The following EIF4ENIF1 variants were observed in gnomAD, a reference collection of about 807,000 sequenced individuals.
The protein encoded by EIF4ENIF1 is eukaryotic translation initiation factor 4E transporter.
In EIF4ENIF1, 23 loss-of-function variants were observed where a neutral mutation model predicts 110.5. That is an observed-to-expected ratio of 0.21 (90% CI 0.15 to 0.29). EIF4ENIF1 has a LOEUF of 0.29. Ranked by LOEUF, EIF4ENIF1 falls within the 10% of genes least tolerant of loss-of-function variation. The pLI is 1.00. For synonymous variants in EIF4ENIF1, 440 were observed against 437.0 expected (o/e 1.01, Z -0.09); for missense variants, 1,031 against 1,221.1 (o/e 0.84, Z 2.32).
At chr22:31,442,856 G>A (rs1380259378) in intron 16 of EIF4ENIF1, 106 bp downstream of exon 16, 1 of 1,427,626 alleles carries the variant, frequency 7.0e-7, no homozygotes, top group Non-Finnish European at 9.5e-7. Context: ...GAAGCTAGTG[G>A]TCTTGCCCAG....
chr22:31,455,074 G>T (rs1228832204), intron 9 of EIF4ENIF1, 62 bp downstream of exon 9: 18 of 1,426,998 alleles, frequency 1.3e-5, no homozygotes, highest in Non-Finnish European at 1.6e-5. Context: ...AGACCCAACT[G>T]CCTGAAGACT....
At chr22:31,471,737 T>C (rs2051387503) in intron 3 of EIF4ENIF1, 107 bp downstream of exon 3, 2 of 1,004,812 alleles carry the variant, frequency 2.0e-6, no homozygotes, top group African/African-American at 3.3e-5. Context: ...CTTTCACTTA[T>C]AATTCTACCA....
upstream of EIF4ENIF1, among the ~76,000 whole-genome samples, chr22:31,491,471 C>T (rs1297594119): frequency 6.6e-6 from 1 of 152,094 alleles, no homozygotes; most frequent in Admixed American, 6.6e-5. Flanking sequence ...CATTTCACCA[C>T]CTGGATCTCC....
chr22:31,452,510 A>C (rs1321059625), intron 10 of EIF4ENIF1, among the ~76,000 whole-genome samples: 1 of 152,218 alleles, frequency 6.6e-6, no homozygotes, highest in East Asian at 1.9e-4. Flanking sequence ...AATTGTGTTA[A>C]TATCAAATCC....
intron 2 of EIF4ENIF1, among the ~76,000 whole-genome samples, chr22:31,472,270 ATTT>A (rs11404399): frequency 1.4e-5 from 2 of 142,158 alleles, no homozygotes; most frequent in Non-Finnish European, 3.1e-5. Context: ...TTACAAGGGG[ATTT>A]TTTTTTTTTT....
At chr22:31,443,246 A>C (rs1487235147) in intron 15 of EIF4ENIF1, 152 bp from the exon 16 acceptor site, 1 of 1,127,008 alleles carries the variant, frequency 8.9e-7, no homozygotes, top group African/African-American at 1.6e-5. Flanking sequence ...GCTGGAGGAA[A>C]AACAGAATGG....
At chr22:31,455,501 C>T (rs983151416) in intron 8 of EIF4ENIF1, among the ~76,000 whole-genome samples, 186 bp from the exon 9 acceptor site, 7 of 151,374 alleles carry the variant, frequency 4.6e-5, no homozygotes, top group East Asian at 1.9e-4. Flanking sequence ...CAGTTTCAAG[C>T]GATTCTCCTG....
At chr22:31,493,121 C>A (rs554844959), upstream of EIF4ENIF1, among the ~76,000 whole-genome samples, 1 of 151,856 alleles carries the variant, frequency 6.6e-6, no homozygotes, top group African/African-American at 2.4e-5. Context: ...GCAAGCTCTG[C>A]CCCCTGGGTT....
intron 6 of EIF4ENIF1, among the ~76,000 whole-genome samples, chr22:31,461,024 A>G (rs138587782): frequency 3.3e-5 from 5 of 152,294 alleles, no homozygotes; most frequent in African/African-American, 9.6e-5. Context: ...GCTTTCAACT[A>G]AGCCTGAAAG....
intron 2 of EIF4ENIF1, among the ~76,000 whole-genome samples, chr22:31,474,520 C>T (rs925075238): frequency 4.7e-5 from 7 of 148,340 alleles, no homozygotes; most frequent in Admixed American, 6.8e-5. Context: ...GACTGTCATA[C>T]GTTCTAGCTT....
rs554930183 is a variant in EIF4ENIF1 at position 31,451,664 on chromosome 22, CT to C, written c.1513-1305del. ...TCCACTCTTAAAGCAGTAGTGGTTA[CT>C]TTTTTTTTTTTTTTTGGGACAGGTC... On this transcript the variant is annotated intron_variant, in intron 10 of 18. Coordinates refer to ENST00000330125, the MANE Select transcript of EIF4ENIF1 (RefSeq NM_019843.4). Among the ~76,000 whole-genome samples the C allele has an allele frequency of 3.8e-3, 532 of 139,288 alleles. 1 individual carries two copies. Among genetic ancestry groups the C allele is most frequent in the South Asian group, 5.8e-3 (25 of 4,294 alleles). The allele number at this position is 139,288 out of a possible 152,430, so 91.4% of individuals were successfully genotyped here. A position where few individuals can be genotyped will look rare whatever the true frequency, so the allele number is the denominator to read the frequency against.
intron 3 of EIF4ENIF1, among the ~76,000 whole-genome samples, chr22:31,470,069 C>T (rs996061387): frequency 2.0e-5 from 3 of 146,438 alleles, no homozygotes; most frequent in African/African-American, 7.6e-5. Context: ...GAGGCTGAGG[C>T]AGGAGAATCG....
At position 31,439,867 on chromosome 22, in the gene EIF4ENIF1, C is replaced by A; in HGVS notation, c.*13G>T. ...ACCACAGGTCCGGGCTTAGTTGAGT[C>A]TGCCTGCCCTGCTCACTGTCGGTAT... On this transcript the variant is annotated 3_prime_UTR_variant, in exon 19 of 19. Transcript: ENST00000330125. The A allele has an allele frequency of 6.2e-7, 1 of 1,611,128 alleles. No homozygotes were observed.
intron 2 of EIF4ENIF1, among the ~76,000 whole-genome samples, chr22:31,474,487 C>CTT (rs531859600): frequency 5.8e-5 from 8 of 138,138 alleles, no homozygotes; most frequent in African/African-American, 5.3e-5. Flanking sequence ...AACATGCCAT[C>CTT]TTTTTTTTTT....
rs1223966197 is a variant in EIF4ENIF1 at position 31,452,314 on chromosome 22, A to C, written c.1512+1830T>G. Among the ~76,000 whole-genome samples the C allele has an allele frequency of 3.9e-5, 6 of 152,014 alleles. No homozygotes were observed. In the East Asian group the frequency reaches 1.2e-3, roughly 29 times the overall value. ...TTTTGAGATAACACCTGCTATTCTT[A>C]CTCCATTACTTTCCTTGTTGTATTC... On this transcript the variant is annotated intron_variant, in intron 10 of 18. Coordinates refer to ENST00000330125, the MANE Select transcript of EIF4ENIF1 (RefSeq NM_019843.4).
At chr22:31,482,533 T>G (rs982680807) in intron 2 of EIF4ENIF1, among the ~76,000 whole-genome samples, 1 of 151,726 alleles carries the variant, frequency 6.6e-6, no homozygotes, top group Non-Finnish European at 1.5e-5. Flanking sequence ...AATACAAAAA[T>G]TAGCTGGGCA....
In EIF4ENIF1 at chr22:31,463,749, T is replaced by A; in HGVS notation, c.517A>T (p.Ser173Cys). 9 of 1,612,620 alleles carry A rather than the reference T, an allele frequency of 5.6e-6. No homozygotes were observed. Among genetic ancestry groups the A allele is most frequent in the Non-Finnish European group, 6.8e-6 (8 of 1,179,540 alleles). The change falls in exon 5 of 19, where the codon AGC (serine) becomes TGC (cysteine). Residue 173 changes from serine (S) to cysteine (C), a missense_variant. By Grantham distance (112) the Ser-to-Cys change is moderately radical. Around this residue, in one of 3 missense-constraint regions of EIF4ENIF1, gnomAD observed 704 missense variants for 879.7 expected, o/e 0.80. Transcript: ENST00000330125. ...CTCAAGTCCCGCAGGTCCTTATCGC[T>A]AAGACGGTGATCCTTCTCAAAGGTC... is the stretch of plus-strand genomic sequence containing the variant. ...ARTFEKDHRL[S>C]DKDLRDLRDR...
At position 31,477,700 on chromosome 22, in the gene EIF4ENIF1, C is replaced by T. The variant is rs182890952; in HGVS notation, c.97-5783G>A. Among the ~76,000 whole-genome samples, 24 of 152,274 alleles carry T rather than the reference C, an allele frequency of 1.6e-4. No homozygotes were observed. The East Asian group carries it at 3.7e-3, about 23-fold the overall frequency. On this transcript the variant is annotated intron_variant, in intron 2 of 18. Transcript: ENST00000330125. ...ACCAGCAACATTATTTGTGCCAGGG[C>T]GCACTTTTGACCAAATACAATGGCT...
In EIF4ENIF1 at chr22:31,440,807, A is replaced by T. The variant is rs776924818; in HGVS notation, c.2613T>A (p.Gly871=). 2 of 1,613,990 alleles carry T rather than the reference A, an allele frequency of 1.2e-6. No individual in the cohort carries two copies. Among genetic ancestry groups the T allele is most frequent in the South Asian group, 2.2e-5 (2 of 91,082 alleles). The change falls in exon 18 of 19, where the codon GGT becomes GGA. Residue 871 remains glycine, a synonymous_variant. Coordinates refer to ENST00000330125, the MANE Select transcript of EIF4ENIF1 (RefSeq NM_019843.4). ...HLQGISGPIL[G]QPFYPLPAAS... is the part of the protein sequence containing the mutation. ...CAGCAGGTAAAGGGTAAAAGGGCTG[A>T]CCCAGGATGGGGCCAGATATTCCCT...
Sources: allele counts gnomAD v4.1 joint callset (sites outside exome capture counted in the v4.1 genomes callset), GRCh38; gene constraint gnomAD v4.1.1; regional missense constraint gnomAD v4.1.1; transcripts MANE v1.5; gene names NCBI Gene and HGNC (gene_info 2026-07-23, HGNC 2026-07-21).